ZNF23: variants seen among roughly 807,000 people sequenced by gnomAD.
The protein encoded by ZNF23 is zinc finger protein 23, also known as kruppel-like zinc finger factor X31.
Under a neutral mutation model 56.2 loss-of-function variants are expected in ZNF23, and 48 were observed. That is an observed-to-expected ratio of 0.85 (90% CI 0.68 to 1.09). The LOEUF is 1.09. ZNF23 is among the 50% of genes least tolerant of loss of function. The probability of loss-of-function intolerance (pLI) is 0.00; values close to 1 mark genes in which losing one functional copy is unlikely to be tolerated. For missense variants in ZNF23, 805 were observed against 811.4 expected, an observed-to-expected ratio of 0.99 and a Z score of 0.10; for synonymous variants, 266 against 283.3, an observed-to-expected ratio of 0.94 and a Z score of 0.61.
At position 71,462,195 on chromosome 16, in the gene ZNF23, G is replaced by A. The variant is rs2043489300; in HGVS notation, c.-33+15C>T. ...GACAGGGCACGGCACACAGCGCCCGGAGCCCTGCACTCACCTCCGTAGCGG... is the reference window on the plus strand; with the variant it reads ...GACAGGGCACGGCACACAGCGCCCGAAGCCCTGCACTCACCTCCGTAGCGG... On this transcript the variant is annotated intron_variant, in intron 1 of 4. Transcript: ENST00000647773. 2 of 152,354 alleles carry A rather than the reference G, an allele frequency of 1.3e-5. No individual in the cohort carries two copies. Among genetic ancestry groups the A allele is most frequent in the South Asian group, 2.1e-4 (1 of 4,836 alleles). 9.4% of individuals were successfully genotyped at this position (152,354 alleles called of 1,614,324 possible). A position where few individuals can be genotyped will look rare whatever the true frequency, so the allele number is the denominator to read the frequency against.
At chr16:71,459,262 T>C (rs16973000) in intron 1 of ZNF23, among the ~76,000 whole-genome samples, 46,574 of 152,112 alleles carry the variant, frequency 0.31, 8,552 homozygotes, top group African/African-American at 0.51. Context: ...CCTTGACCAA[T>C]AGGGGAGAGA....
At chr16:71,452,280 A>G (rs186264723) in intron 4 of ZNF23, 1 of 152,214 alleles carries the variant, frequency 6.6e-6, no homozygotes, top group East Asian at 1.9e-4. Context: ...CGTCTGATAG[A>G]ATGATCAAAA....
At position 71,448,585 on chromosome 16, in the gene ZNF23, C is replaced by A; in HGVS notation, c.1569G>T (p.Glu523Asp). 6.2e-7 allele frequency: 1 copy of A among 1,613,136 alleles called. No homozygotes were observed. Among genetic ancestry groups the A allele is most frequent in the South Asian group, 1.1e-5 (1 of 91,020 alleles). Residue 523 changes from glutamate (E) to aspartate (D), a missense_variant, in exon 5 of 5, where the codon GAG becomes GAT. By Grantham distance (45) the Glu-to-Asp change is conservative. Coordinates refer to ENST00000647773, the MANE Select transcript of ZNF23 (RefSeq NM_001381984.1). ...TTTTAGAAGTAAAGCATCTCCCACA[C>A]TCATTACATTCAAAAGGTTTCTCCC... The part of the protein sequence containing the change: ...HTGEKPFECN[E>D]CGRCFTSKRN...
chr16:71,461,890 A>T (rs8051439), intron 1 of ZNF23: 36,479 of 152,280 alleles, frequency 0.24, 6,864 homozygotes, highest in African/African-American at 0.53. Context: ...TCACGCCCGC[A>T]AATATTCCAT....
At position 71,453,319 on chromosome 16, in the gene ZNF23, T is replaced by A; in HGVS notation, c.192A>T (p.Ser64=). 1 of 1,602,826 alleles carries A rather than the reference T, an allele frequency of 6.2e-7. No homozygotes were observed. The highest frequency in any genetic ancestry group is 8.5e-7 in the Non-Finnish European group (1 of 1,173,556). The part of the protein sequence containing the change: ...GFPLLKPAVI[S]QLEGGSELGG... ...CCAGCTCACTTCCTCCCTCCAGTTGTGAGATCACAGCAGGTTTGAGAAGTG... is the reference window on the plus strand; with the variant it reads ...CCAGCTCACTTCCTCCCTCCAGTTGAGAGATCACAGCAGGTTTGAGAAGTG... Residue 64 remains serine, a synonymous_variant, in exon 4 of 5, where the codon TCA becomes TCT. Transcript: ENST00000647773.
chr16:71,459,119 A>G (rs1293188919), intron 1 of ZNF23, among the ~76,000 whole-genome samples: 1 of 152,226 alleles, frequency 6.6e-6, no homozygotes, highest in African/African-American at 2.4e-5. Flanking sequence ...GCTGCAAGCT[A>G]CCAGAACCTT....
intron 1 of ZNF23, among the ~76,000 whole-genome samples, chr16:71,461,134 A>G (rs1173551244): frequency 2.0e-5 from 3 of 152,174 alleles, no homozygotes; most frequent in African/African-American, 7.2e-5. Context: ...AATTAACACA[A>G]AAGTCAATAT....
chr16:71,449,458 G>A lies in ZNF23; in HGVS notation c.696C>T (p.Asn232=). 1 of 1,614,178 alleles carries A rather than the reference G, an allele frequency of 6.2e-7. No homozygotes were observed. The highest frequency in any genetic ancestry group is 8.5e-7 in the Non-Finnish European group (1 of 1,180,028). The change falls in exon 5 of 5, where the codon AAC becomes AAT. Residue 232 remains asparagine, a synonymous_variant. Transcript: ENST00000647773. ...CDSQLIQHQE[N]NTEEKPYQCS... ...ACTGATAAGGCTTTTCCTCAGTGTT[G>A]TTCTCTTGATGTTGAATAAGTTGAG...
rs1315423377 is a variant in ZNF23 at position 71,449,265 on chromosome 16, A to G, written c.889T>C (p.Cys297Arg). 15 of 1,614,076 alleles carry G rather than the reference A, an allele frequency of 9.3e-6. No individual in the cohort carries two copies. Among genetic ancestry groups the G allele is most frequent in the Non-Finnish European group, 1.0e-5 (12 of 1,180,046 alleles). Residue 297 changes from cysteine to arginine, a missense_variant, in exon 5 of 5, where the codon TGT becomes CGT. Transcript: ENST00000647773. ...TIHSGEKPYQ[C>R]KMCGKAFSVN... ...CTGAAGGCCTTCCCACACATCTTAC[A>G]CTGATAGGGCTTCTCCCCACTGTGG...
chr16:71,462,039 G>A lies in ZNF23; in HGVS notation c.-33+171C>T, dbSNP rs201635130. The A allele has an allele frequency of 2.6e-5, 4 of 152,490 alleles. No homozygotes were observed. The East Asian group carries it at 5.8e-4, about 22-fold the overall frequency. 9.4% of individuals were successfully genotyped at this position (152,490 alleles called of 1,614,324 possible). A position where few individuals can be genotyped will look rare whatever the true frequency, so the allele number is the denominator to read the frequency against. ...CACAAAGACCAAAGCTGGAGTCGAG[G>A]AGCGCGGAAGAGCACCCCGGGCCGC... On this transcript the variant is annotated intron_variant, in intron 1 of 4. Transcript: ENST00000647773.
chr16:71,449,322 A>T lies in ZNF23; in HGVS notation c.832T>A (p.Tyr278Asn), dbSNP rs1258140865. The part of the protein sequence containing the change: ...KCVECGKSFS[Y>N]SSHYITHQTI... ...TGATGTGTGATATAATGGGAACTGT[A>T]GCTGAAGCTTTTCCCACACTCCACA... The change falls in exon 5 of 5, where the codon TAC (tyrosine) becomes AAC (asparagine). Residue 278 changes from tyrosine (Y) to asparagine (N), a missense_variant. Coordinates refer to ENST00000647773, the MANE Select transcript of ZNF23 (RefSeq NM_001381984.1). 1 of 1,614,074 alleles carries T rather than the reference A, an allele frequency of 6.2e-7. No homozygotes were observed. The highest frequency in any genetic ancestry group is 2.2e-5 in the East Asian group (1 of 44,878).
At chr16:71,454,727 G>A (rs1357075630) in intron 2 of ZNF23, among the ~76,000 whole-genome samples, 3 of 152,170 alleles carry the variant, frequency 2.0e-5, no homozygotes, top group African/African-American at 7.2e-5. Flanking sequence ...CAGGCTGCAG[G>A]GTCTTCCTGG....
chr16:71,449,759 T>G lies in ZNF23; in HGVS notation c.395A>C (p.Gln132Pro). 6.2e-7 allele frequency: 1 copy of G among 1,614,134 alleles called. No individual in the cohort carries two copies. The highest frequency in any genetic ancestry group is 8.5e-7 in the Non-Finnish European group (1 of 1,180,024). ...ATTTCCTGCTGAGTGGACTTCCTGT[T>G]GTTTCTCTAGAAGAGAGGCTTCTGA... is the stretch of plus-strand genomic sequence containing the variant. ...DFSEASLLEK[Q>P]QEVHSAGNIK... The change falls in exon 5 of 5, where the codon CAA (glutamine) becomes CCA (proline). Residue 132 changes from glutamine (Q) to proline (P), a missense_variant. Transcript: ENST00000647773.
chr16:71,456,544 G>A (rs2043239753), intron 2 of ZNF23: 1 of 253,336 alleles, frequency 3.9e-6, no homozygotes. Context: ...CCCTCAGTGT[G>A]CAGAAGACCA....
chr16:71,460,141 G>A (rs927464611), intron 1 of ZNF23, among the ~76,000 whole-genome samples: 8 of 152,140 alleles, frequency 5.3e-5, no homozygotes, highest in Non-Finnish European at 5.9e-5. Flanking sequence ...AAATGCAGTA[G>A]GCAAACAGCC....
intron 4 of ZNF23, chr16:71,451,440 T>C (rs1243980375): frequency 1.3e-5 from 2 of 152,178 alleles, no homozygotes; most frequent in Non-Finnish European, 2.9e-5. Context: ...TGAATGTTTG[T>C]CCTCCCCACA....
At chr16:71,451,921 A>C (rs2043068263) in intron 4 of ZNF23, 1 of 152,222 alleles carries the variant, frequency 6.6e-6, no homozygotes, top group African/African-American at 2.4e-5. Context: ...ACAGCAAATG[A>C]GTCTTAAACA....
chr16:71,455,988 G>A lies in ZNF23; in HGVS notation c.33+776C>T, dbSNP rs562179041. ...ACAGAGGCGGTTGTCAGGACCAAAC[G>A]ACCATACAAAGGGCTTAGTATGGCT... On this transcript the variant is annotated intron_variant, in intron 2 of 4. Coordinates refer to ENST00000647773, the MANE Select transcript of ZNF23 (RefSeq NM_001381984.1). 8 of 456,330 alleles carry A rather than the reference G, an allele frequency of 1.8e-5. No homozygotes were observed. The East Asian group carries it at 2.8e-4, about 16-fold the overall frequency. The allele number at this position is 456,330 out of a possible 1,614,324, so 28.3% of individuals were successfully genotyped here.
chr16:71,461,471 G>A (rs1567565618), intron 1 of ZNF23, among the ~76,000 whole-genome samples: 1 of 152,102 alleles, frequency 6.6e-6, no homozygotes, highest in Non-Finnish European at 1.5e-5. Flanking sequence ...TACCATAAGA[G>A]TAAAGACAAA....
Sources: gnomAD v4.1 joint callset for allele counts (sites outside exome capture counted in the v4.1 genomes callset) on GRCh38, gnomAD v4.1.1 for gene constraint, MANE v1.5 for transcripts, NCBI Gene and HGNC (gene_info 2026-07-23, HGNC 2026-07-21) for gene names.